ZFPM2: variants seen among roughly 807,000 people sequenced by gnomAD.
ZFPM2 encodes the protein zinc finger protein ZFPM2.
ZFPM2 carries 20 observed loss-of-function variants against 98.6 expected under a neutral mutation model. The ratio of observed to expected loss-of-function variants is 0.20; its 90% CI spans 0.14 to 0.29. The LOEUF is 0.29. Among genes scored for constraint, ZFPM2 ranks in the 10% least tolerant of loss-of-function variants. The probability of loss-of-function intolerance (pLI) is 1.00; values close to 1 mark genes in which losing one functional copy is unlikely to be tolerated. For synonymous variants in ZFPM2, 518 were observed against 502.7 expected, an observed-to-expected ratio of 1.03 and a Z score of -0.41; for missense variants, 1,310 against 1,388.6, an observed-to-expected ratio of 0.94 and a Z score of 0.90.
intron 5 of ZFPM2, chr8:105,662,669 A>C (rs1324867053): frequency 1.7e-5 from 2 of 115,718 alleles, no homozygotes; most frequent in Non-Finnish European, 3.5e-5. Flanking sequence ...CTTTCAAAAA[A>C]ATTTTTTTTT....
intron 3 of ZFPM2, among the ~76,000 whole-genome samples, chr8:105,486,016 T>C (rs1453874526): frequency 6.6e-6 from 1 of 152,152 alleles, no homozygotes; most frequent in African/African-American, 2.4e-5. Flanking sequence ...GAGCTTTGGA[T>C]GACTCACATG....
intron 1 of ZFPM2, among the ~76,000 whole-genome samples, chr8:105,386,162 AAAAC>A (rs1328903758): frequency 3.3e-5 from 5 of 152,216 alleles, no homozygotes; most frequent in Non-Finnish European, 5.9e-5. Flanking sequence ...GAACTGTAGT[AAAAC>A]AAACAGAATA....
chr8:105,377,620 A>G (rs1407588320), intron 1 of ZFPM2, among the ~76,000 whole-genome samples: 1 of 148,584 alleles, frequency 6.7e-6, no homozygotes, highest in Non-Finnish European at 1.5e-5. Flanking sequence ...AAAAAAAAAA[A>G]AAAAAAAAAA....
chr8:105,566,875 G>A (rs1177332697), intron 4 of ZFPM2, among the ~76,000 whole-genome samples: 1 of 151,980 alleles, frequency 6.6e-6, no homozygotes, highest in Non-Finnish European at 1.5e-5. Context: ...AGAATAAAAT[G>A]TATTATTTTC....
intron 1 of ZFPM2, among the ~76,000 whole-genome samples, chr8:105,365,061 G>C (rs1405757737): frequency 6.6e-6 from 1 of 152,120 alleles, no homozygotes; most frequent in Admixed American, 6.5e-5. Flanking sequence ...ACTCTGATAA[G>C]ACCAGCTTGG....
intron 1 of ZFPM2, among the ~76,000 whole-genome samples, chr8:105,342,870 C>G (rs1324387571): frequency 6.6e-6 from 1 of 151,976 alleles, no homozygotes; most frequent in African/African-American, 2.4e-5. Flanking sequence ...TCTTAGTAAA[C>G]TCTGTCCAAT....
At chr8:105,658,151 A>G (rs1329914250) in intron 5 of ZFPM2, among the ~76,000 whole-genome samples, 1 of 152,212 alleles carries the variant, frequency 6.6e-6, no homozygotes, top group Non-Finnish European at 1.5e-5. Context: ...AAGAGTCTGG[A>G]AGCCTCTGGT....
intron 5 of ZFPM2, among the ~76,000 whole-genome samples, chr8:105,740,294 T>C (rs1018198943): frequency 6.6e-6 from 1 of 151,954 alleles, no homozygotes; most frequent in African/African-American, 2.4e-5. Context: ...CAAAAATAAT[T>C]GGTCAATATA....
intron 4 of ZFPM2, among the ~76,000 whole-genome samples, chr8:105,591,911 A>G (rs1319884736): frequency 6.6e-6 from 1 of 152,190 alleles, no homozygotes; most frequent in Non-Finnish European, 1.5e-5. Flanking sequence ...AGAAAGAAAA[A>G]TTAACACCAG....
chr8:105,449,273 TATC>T (rs1356028228), intron 3 of ZFPM2, among the ~76,000 whole-genome samples: 1 of 151,980 alleles, frequency 6.6e-6, no homozygotes, highest in African/African-American at 2.4e-5. Flanking sequence ...TAAAGGAAAA[TATC>T]ATGCTACTTA....
At chr8:105,534,378 TTTCCTTCC>T (rs1814403220) in intron 3 of ZFPM2, among the ~76,000 whole-genome samples, 1 of 115,080 alleles carries the variant, frequency 8.7e-6, no homozygotes, top group South Asian at 3.1e-4. Flanking sequence ...TCTTCCTTTC[TTTCCTTCC>T]TTCCTCCCTT....
chr8:105,383,374 A>G (rs1810924367), intron 1 of ZFPM2, among the ~76,000 whole-genome samples: 2 of 152,216 alleles, frequency 1.3e-5, no homozygotes, highest in Admixed American at 1.3e-4. Flanking sequence ...AAGCATACAG[A>G]GTTACAGTCA....
chr8:105,762,905 T>C (rs1812764627), intron 5 of ZFPM2, among the ~76,000 whole-genome samples: 2 of 151,874 alleles, frequency 1.3e-5, no homozygotes, highest in Admixed American at 1.3e-4. Context: ...AACTAGTATT[T>C]GTCATGTTAA....
intron 6 of ZFPM2, among the ~76,000 whole-genome samples, chr8:105,795,264 G>GTT (rs1813761504): frequency 6.6e-6 from 1 of 151,162 alleles, no homozygotes; most frequent in Non-Finnish European, 1.5e-5. Flanking sequence ...GTGTGTGTGT[G>GTT]TGTGTGTGTG....
intron 3 of ZFPM2, among the ~76,000 whole-genome samples, chr8:105,459,786 G>C (rs1812669632): frequency 6.6e-6 from 1 of 152,082 alleles, no homozygotes; most frequent in African/African-American, 2.4e-5. Flanking sequence ...CTCCTTAAAG[G>C]CTATACCTTC....
chr8:105,498,047 C>A (rs144042828), intron 3 of ZFPM2, among the ~76,000 whole-genome samples: 2,064 of 116,176 alleles, frequency 0.018, 23 homozygotes, highest in African/African-American at 0.045. Flanking sequence ...AAAAAAAAAA[C>A]AAAATCCAGG....
intron 5 of ZFPM2, among the ~76,000 whole-genome samples, chr8:105,701,205 T>G (rs1402106594): frequency 6.6e-6 from 1 of 152,214 alleles, no homozygotes; most frequent in Non-Finnish European, 1.5e-5. Context: ...TTTAGACATC[T>G]GACAAGCAAA....
At chr8:105,678,977 T>A (rs752546035) in intron 5 of ZFPM2, 7 of 152,200 alleles carry the variant, frequency 4.6e-5, no homozygotes, top group Non-Finnish European at 7.3e-5. Flanking sequence ...TGGAGTCACA[T>A]CACTGCCACT....
intron 3 of ZFPM2, among the ~76,000 whole-genome samples, chr8:105,528,232 G>A (rs775099894): frequency 9.2e-5 from 14 of 152,014 alleles, no homozygotes; most frequent in Non-Finnish European, 2.1e-4. Flanking sequence ...GATCTGGGGT[G>A]GGCTCTAAGA....
Sources: allele counts gnomAD v4.1 joint callset (sites outside exome capture counted in the v4.1 genomes callset), GRCh38; gene constraint gnomAD v4.1.1; transcripts MANE v1.5; gene names NCBI Gene and HGNC (gene_info 2026-07-23, HGNC 2026-07-21).